The following ZNF254 variants were observed in gnomAD, a reference collection of about 807,000 sequenced individuals.
ZNF254 encodes the protein zinc finger protein 254.
ZNF254 carries 10 observed loss-of-function variants against 12.4 expected under a neutral mutation model. The observed-to-expected ratio is 0.80, with a 90% CI of 0.50 to 1.36. ZNF254 has a LOEUF of 1.36. Ranked by LOEUF, ZNF254 falls within the 40% of genes most tolerant of loss-of-function variation. ZNF254 has a pLI of 0.00. For missense variants in ZNF254, 996 were observed against 763.9 expected, an observed-to-expected ratio of 1.30 and a Z score of -3.58; for synonymous variants, 305 against 253.4, an observed-to-expected ratio of 1.20 and a Z score of -1.93.
At chr19:24,115,959 T>C (rs983351910) in intron 3 of ZNF254, among the ~76,000 whole-genome samples, 25 of 152,206 alleles carry the variant, frequency 1.6e-4, no homozygotes, top group African/African-American at 6.0e-4. Flanking sequence ...TTATGAAGCT[T>C]AGTTTGGCTG....
chr19:24,123,447 G>C lies in ZNF254; in HGVS notation c.254-2807G>C, dbSNP rs151125048. 2.3e-3 allele frequency among the ~76,000 whole-genome samples: 348 copies of C among 152,256 alleles called. 2 individuals are homozygous for C. Among genetic ancestry groups the C allele is most frequent in the African/African-American group, 8.0e-3 (332 of 41,548 alleles). On this transcript the variant is annotated intron_variant, in intron 3 of 3. Coordinates refer to ENST00000357002, the MANE Select transcript of ZNF254 (RefSeq NM_203282.4). ...GTTTTATACTGCCTTTAAGTAGTCT[G>C]TTCCCTTATTAACATTCTTTCTTGT...
At chr19:24,123,251 T>C (rs1447109294) in intron 3 of ZNF254, among the ~76,000 whole-genome samples, 5 of 152,222 alleles carry the variant, frequency 3.3e-5, no homozygotes. Flanking sequence ...ATACTCGTAC[T>C]CCATTTTACT....
chr19:24,040,331 AG>A (rs1175624443), intron 1 of ZNF254, among the ~76,000 whole-genome samples: 1 of 152,190 alleles, frequency 6.6e-6, no homozygotes. Flanking sequence ...AATAAATGAG[AG>A]CAAAGGAGTA....
chr19:24,091,311 TAAAGA>T (rs1972367306), intron 1 of ZNF254, among the ~76,000 whole-genome samples: 2 of 93,494 alleles, frequency 2.1e-5, no homozygotes, highest in Non-Finnish European at 4.5e-5. Context: ...AGGAAAAAAA[TAAAGA>T]AAAAAAAAAA....
intron 2 of ZNF254, chr19:24,078,945 A>C (rs887101296): frequency 1.3e-5 from 2 of 152,210 alleles, no homozygotes; most frequent in African/African-American, 4.8e-5. Flanking sequence ...CTAAAACCTC[A>C]GGAACAGAGA....
chr19:24,125,554 A>G (rs1030234499), intron 3 of ZNF254, among the ~76,000 whole-genome samples: 4 of 152,056 alleles, frequency 2.6e-5, no homozygotes, highest in Non-Finnish European at 4.4e-5. Flanking sequence ...TAGCTTTGTC[A>G]TGGCATATTC....
intron 3 of ZNF254, among the ~76,000 whole-genome samples, chr19:24,108,454 G>A (rs1349157670): frequency 6.6e-6 from 1 of 152,188 alleles, no homozygotes; most frequent in African/African-American, 2.4e-5. Context: ...TTGGGCTTTA[G>A]CAGAGTTTCA....
At chr19:24,125,302 A>C (rs1974757528) in intron 3 of ZNF254, among the ~76,000 whole-genome samples, 1 of 138,804 alleles carries the variant, frequency 7.2e-6, no homozygotes, top group African/African-American at 2.7e-5. Flanking sequence ...TTGATATCTT[A>C]ACTATTTTTT....
At chr19:24,110,977 G>C (rs1568462833) in intron 3 of ZNF254, among the ~76,000 whole-genome samples, 1 of 151,424 alleles carries the variant, frequency 6.6e-6, no homozygotes, top group African/African-American at 2.4e-5. Flanking sequence ...TATACTACAA[G>C]TTTTAGGGTA....
At chr19:24,089,520 G>A (rs1164921766) in intron 1 of ZNF254, among the ~76,000 whole-genome samples, 1 of 151,882 alleles carries the variant, frequency 6.6e-6, no homozygotes, top group Non-Finnish European at 1.5e-5. Flanking sequence ...GGTTTTCTTG[G>A]ACCTGGGTTT....
chr19:24,111,010 G>A (rs1973640926), intron 3 of ZNF254, among the ~76,000 whole-genome samples: 1 of 151,838 alleles, frequency 6.6e-6, no homozygotes, highest in African/African-American at 2.4e-5. Flanking sequence ...GTGCAGGTTA[G>A]TTACATATGT....
intron 1 of ZNF254, among the ~76,000 whole-genome samples, chr19:24,034,053 ACTCAAG>A (rs1969864904): frequency 1.3e-5 from 2 of 151,810 alleles, no homozygotes; most frequent in South Asian, 4.2e-4. Context: ...CGCCTCCTAG[ACTCAAG>A]CGATTCTCGT....
chr19:24,055,032 C>G (rs1392107558), intron 2 of ZNF254, among the ~76,000 whole-genome samples: 3 of 151,306 alleles, frequency 2.0e-5, no homozygotes, highest in Non-Finnish European at 4.4e-5. Flanking sequence ...GAAACCCCAT[C>G]TCTACTAAAA....
chr19:24,126,691 A>G lies in ZNF254; in HGVS notation c.691A>G (p.Ile231Val). 6.2e-7 allele frequency: 1 copy of G among 1,613,408 alleles called. No homozygotes were observed. Among genetic ancestry groups the G allele is most frequent in the Non-Finnish European group, 8.5e-7 (1 of 1,179,764 alleles). The change falls in exon 4 of 4, where the codon ATT (isoleucine) becomes GTT (valine). Residue 231 changes from isoleucine (I) to valine (V), a missense_variant. Transcript: ENST00000357002. ...WSSTLTNHRK[I>V]YTEEKPYKCE... ...CTCAACCCTTACTAATCATAGGAAA[A>G]TTTATACTGAAGAGAAACCTTACAA...
At chr19:24,096,450 TA>T (rs1972677380) in intron 1 of ZNF254, among the ~76,000 whole-genome samples, 1 of 152,220 alleles carries the variant, frequency 6.6e-6, no homozygotes, top group East Asian at 1.9e-4. Context: ...GCAGGTTGTT[TA>T]ATTTTTATGT....
At chr19:24,107,075 T>C (rs1239481572) in intron 3 of ZNF254, 4 of 452,046 alleles carry the variant, frequency 8.8e-6, no homozygotes, top group Non-Finnish European at 1.5e-5. Flanking sequence ...TTTATTTTTC[T>C]GCACATTTCA....
At chr19:24,077,194 A>G (rs1250680551) in intron 2 of ZNF254, among the ~76,000 whole-genome samples, 1 of 152,128 alleles carries the variant, frequency 6.6e-6, no homozygotes, top group Non-Finnish European at 1.5e-5. Context: ...GGAAGCCCCA[A>G]CCTCAAGTTT....
intron 1 of ZNF254, among the ~76,000 whole-genome samples, chr19:24,034,769 G>C (rs938874523): frequency 1.3e-4 from 20 of 149,864 alleles, no homozygotes; most frequent in African/African-American, 4.9e-4. Context: ...GAGCCACTGT[G>C]CCTGGCAAGA....
At chr19:24,064,188 ACT>A (rs1220075948) in intron 2 of ZNF254, among the ~76,000 whole-genome samples, 3 of 151,632 alleles carry the variant, frequency 2.0e-5, no homozygotes, top group African/African-American at 7.3e-5. Flanking sequence ...ATGTGATGTG[ACT>A]CTTTCTCATT....
Sources: allele counts gnomAD v4.1 joint callset (sites outside exome capture counted in the v4.1 genomes callset), GRCh38; gene constraint gnomAD v4.1.1; transcripts MANE v1.5; gene names NCBI Gene and HGNC (gene_info 2026-07-23, HGNC 2026-07-21).